SNTG1: variants seen among roughly 807,000 people sequenced by gnomAD.
SNTG1 encodes the protein gamma-1-syntrophin.
In SNTG1, 39 loss-of-function variants were observed where a neutral mutation model predicts 74.7. That is an observed-to-expected ratio of 0.52 (90% CI 0.40 to 0.68). SNTG1 has a LOEUF of 0.68. Among genes scored for constraint, SNTG1 ranks in the 30% least tolerant of loss-of-function variants. SNTG1 has a pLI of 0.00. For synonymous variants in SNTG1, 254 were observed against 217.1 expected (o/e 1.17, Z -1.49); for missense variants, 685 against 609.5 (o/e 1.12, Z -1.30).
intron 13 of SNTG1, among the ~76,000 whole-genome samples, chr8:50,593,055 T>C (rs539288427): frequency 6.6e-6 from 1 of 152,206 alleles, no homozygotes; most frequent in South Asian, 2.1e-4. Flanking sequence ...TCTGATGATA[T>C]CTACATTAAA....
At chr8:49,971,960 A>G (rs1372835771) in intron 1 of SNTG1, among the ~76,000 whole-genome samples, 1 of 152,342 alleles carries the variant, frequency 6.6e-6, no homozygotes, top group Non-Finnish European at 1.5e-5. Context: ...TTATAGATTC[A>G]ATGCCATCCC....
intron 2 of SNTG1, among the ~76,000 whole-genome samples, chr8:50,358,995 G>A (rs2091890564): frequency 1.3e-5 from 2 of 152,080 alleles, no homozygotes; most frequent in South Asian, 4.2e-4. Flanking sequence ...TGGCCTTGCT[G>A]GCACCTAGTT....
chr8:50,729,786 A>G (rs1046948812), intron 17 of SNTG1, among the ~76,000 whole-genome samples: 2 of 152,188 alleles, frequency 1.3e-5, no homozygotes, highest in South Asian at 4.1e-4. Flanking sequence ...GGCTAGTCAT[A>G]CTTAAGGGGA....
intron 2 of SNTG1, among the ~76,000 whole-genome samples, chr8:50,188,704 C>T (rs2083466396): frequency 6.6e-6 from 1 of 152,154 alleles, no homozygotes; most frequent in Non-Finnish European, 1.5e-5. Context: ...GCACACCCAA[C>T]TGTGACTTTT....
At chr8:50,422,270 A>ATCTATCTATCTATCTATCTATCTAT (rs61696608) in intron 4 of SNTG1, among the ~76,000 whole-genome samples, 1 of 151,582 alleles carries the variant, frequency 6.6e-6, no homozygotes, top group African/African-American at 2.4e-5. Context: ...CTATCTATCT[A>ATCTATCTATCTATCTATCTATCTAT]CTATCTATCT....
rs529525855 is a variant in SNTG1 at position 50,438,244 on chromosome 8, G to A, written c.163-299G>A. On this transcript the variant is annotated intron_variant, in intron 4 of 18. Transcript: ENST00000642720. ...AGAATACGTAATGTGGAAATAAGAA[G>A]AGGTATAAAAGTTAAGATTCCAAAA... 5.9e-5 allele frequency among the ~76,000 whole-genome samples: 9 copies of A among 152,240 alleles called. No homozygotes were observed. The South Asian group carries it at 1.7e-3, about 28-fold the overall frequency.
intron 2 of SNTG1, among the ~76,000 whole-genome samples, chr8:50,242,747 T>A (rs1349771374): frequency 6.7e-6 from 1 of 149,944 alleles, no homozygotes; most frequent in Non-Finnish European, 1.5e-5. Context: ...CTATAATAAT[T>A]ACTATATAAT....
chr8:50,003,947 G>A (rs1814977395), intron 1 of SNTG1, among the ~76,000 whole-genome samples: 2 of 152,096 alleles, frequency 1.3e-5, no homozygotes, highest in South Asian at 4.1e-4. Flanking sequence ...TATTATTCTA[G>A]TTAAAAGAAT....
At chr8:50,193,271 C>G (rs755533410) in intron 2 of SNTG1, among the ~76,000 whole-genome samples, 1 of 152,064 alleles carries the variant, frequency 6.6e-6, no homozygotes, top group African/African-American at 2.4e-5. Context: ...TTGTTTCTAC[C>G]TATCCATGAG....
intron 13 of SNTG1, among the ~76,000 whole-genome samples, chr8:50,593,717 CTTT>C (rs1183759564): frequency 1.9e-4 from 26 of 136,034 alleles, no homozygotes; most frequent in African/African-American, 5.7e-4. Context: ...TGATTTGGTT[CTTT>C]TTTTTTTTTT....
intron 4 of SNTG1, among the ~76,000 whole-genome samples, chr8:50,418,015 T>A (rs2093035512): frequency 6.6e-6 from 1 of 152,240 alleles, no homozygotes; most frequent in Admixed American, 6.6e-5. Flanking sequence ...CCAGTGATCA[T>A]TCTGATCATT....
chr8:50,694,044 A>C (rs1354681289), intron 15 of SNTG1, among the ~76,000 whole-genome samples: 3 of 152,198 alleles, frequency 2.0e-5, no homozygotes, highest in African/African-American at 7.2e-5. Flanking sequence ...GTTACACCTC[A>C]AGAAATTAGA....
chr8:50,261,410 G>A (rs1563812994), intron 2 of SNTG1, among the ~76,000 whole-genome samples: 20 of 151,948 alleles, frequency 1.3e-4, no homozygotes, highest in Admixed American at 6.6e-5. Flanking sequence ...TTAGTTCTTC[G>A]AAAAATAGGA....
chr8:49,914,630 G>A (rs74862362), intron 1 of SNTG1, among the ~76,000 whole-genome samples: 1,799 of 152,172 alleles, frequency 0.012, 36 homozygotes, highest in African/African-American at 0.041. Flanking sequence ...CCATGAAATC[G>A]TATTGGATTT....
At chr8:50,736,170 C>T (rs2095528202) in intron 17 of SNTG1, among the ~76,000 whole-genome samples, 1 of 151,906 alleles carries the variant, frequency 6.6e-6, no homozygotes, top group Admixed American at 6.6e-5. Flanking sequence ...CAAGAACATA[C>T]CAAATTGTAA....
At chr8:49,914,642 A>C (rs1235099243) in intron 1 of SNTG1, among the ~76,000 whole-genome samples, 1 of 152,210 alleles carries the variant, frequency 6.6e-6, no homozygotes, top group Non-Finnish European at 1.5e-5. Context: ...ATTGGATTTT[A>C]ATGCTCACAG....
chr8:50,560,807 C>G (rs1240628747), intron 12 of SNTG1, among the ~76,000 whole-genome samples: 2 of 152,044 alleles, frequency 1.3e-5, no homozygotes, highest in African/African-American at 4.8e-5. Flanking sequence ...CAGCAAACCA[C>G]CATGGCACAT....
chr8:50,162,640 C>T (rs1051632055), intron 1 of SNTG1, among the ~76,000 whole-genome samples: 4 of 151,824 alleles, frequency 2.6e-5, no homozygotes, highest in Non-Finnish European at 4.4e-5. Context: ...TGCTTCCCTT[C>T]GTTAGCCCGC....
intron 13 of SNTG1, among the ~76,000 whole-genome samples, chr8:50,650,692 A>G (rs1265644708): frequency 6.6e-6 from 1 of 151,772 alleles, no homozygotes; most frequent in East Asian, 1.9e-4. Flanking sequence ...AATATATTTC[A>G]TTTCATTTAT....
Sources: gnomAD v4.1 joint callset for allele counts (sites outside exome capture counted in the v4.1 genomes callset) on GRCh38, gnomAD v4.1.1 for gene constraint, MANE v1.5 for transcripts, NCBI Gene and HGNC (gene_info 2026-07-23, HGNC 2026-07-21) for gene names.